The following PRKCB variants were observed in gnomAD, a reference collection of about 807,000 sequenced individuals.
The protein encoded by PRKCB is protein kinase C beta, also known as protein kinase C beta type.
A neutral mutation model predicts 81.5 loss-of-function variants in PRKCB; 13 were observed. That is an observed-to-expected ratio of 0.16 (90% confidence interval 0.10 to 0.25). The LOEUF (loss-of-function observed/expected upper bound fraction) is 0.25. Ranked by LOEUF, PRKCB falls within the 10% of genes least tolerant of loss-of-function variation. PRKCB has a pLI of 1.00. For missense variants in PRKCB, 509 were observed against 875.7 expected (o/e 0.58, Z 5.29); for synonymous variants, 335 against 321.4 (o/e 1.04, Z -0.45).
intron 3 of PRKCB, among the ~76,000 whole-genome samples, chr16:23,996,909 T>C (rs1007812426): frequency 9.2e-5 from 14 of 152,110 alleles, no homozygotes; most frequent in African/African-American, 3.4e-4. Context: ...CAGCATCTAG[T>C]ATATGGTGCT....
chr16:23,891,616 A>G (rs1963296717), intron 2 of PRKCB, among the ~76,000 whole-genome samples: 1 of 152,196 alleles, frequency 6.6e-6, no homozygotes, highest in African/African-American at 2.4e-5. Flanking sequence ...AGGAGCTATT[A>G]TGATTATTTA....
chr16:23,881,647 T>A (rs1963108840), intron 2 of PRKCB, among the ~76,000 whole-genome samples: 1 of 152,248 alleles, frequency 6.6e-6, no homozygotes, highest in South Asian at 2.1e-4. Flanking sequence ...ACTTGATTTT[T>A]AAAAAATAAT....
intron 5 of PRKCB, among the ~76,000 whole-genome samples, chr16:24,041,331 C>T (rs147322585): frequency 0.017 from 2,651 of 152,198 alleles, 36 homozygotes; most frequent in Middle Eastern, 0.048. Context: ...GGATTACAGG[C>T]GTGAGCCACC....
intron 3 of PRKCB, among the ~76,000 whole-genome samples, chr16:24,011,306 G>A (rs931696249): frequency 6.6e-5 from 10 of 152,060 alleles, no homozygotes; most frequent in Non-Finnish European, 1.0e-4. Context: ...CTGGTTTCTG[G>A]GCTGAAATAG....
At chr16:23,899,292 A>G (rs1271166785) in intron 2 of PRKCB, among the ~76,000 whole-genome samples, 2 of 152,246 alleles carry the variant, frequency 1.3e-5, no homozygotes, top group Non-Finnish European at 2.9e-5. Flanking sequence ...CACAGAGAGC[A>G]TGGAAGGTCA....
chr16:23,935,564 A>G lies in PRKCB; in HGVS notation c.206-52944A>G, dbSNP rs150041605. On this transcript the variant is annotated intron_variant, in intron 2 of 16. Transcript: ENST00000643927. Reference sequence around the variant, plus strand: ...CCTCCACCCCAAAATCTCTTTTAAAATAGTGTTTTAAATGTATTTTTTGTA... The same window carrying G: ...CCTCCACCCCAAAATCTCTTTTAAAGTAGTGTTTTAAATGTATTTTTTGTA... 3.1e-3 allele frequency among the ~76,000 whole-genome samples: 476 copies of G among 152,236 alleles called. 4 individuals carry two copies. The highest frequency in any genetic ancestry group is 0.011 in the African/African-American group (461 of 41,542).
Position 24,219,104 on chromosome 16 carries a change from A to G in PRKCB, c.*4288A>G, listed in dbSNP as rs1187615633. 9.1e-6 allele frequency: 9 copies of G among 985,258 alleles called. No individual in the cohort carries two copies. The highest frequency in any genetic ancestry group is 9.4e-5 in the South Asian group (2 of 21,284). The allele number at this position is 985,258 out of a possible 1,614,324, so 61.0% of individuals were successfully genotyped here. On this transcript the variant is annotated 3_prime_UTR_variant, in exon 17 of 17. Coordinates refer to ENST00000643927, the MANE Select transcript of PRKCB (RefSeq NM_002738.7). ...GTCGGAGCATCATACAGATTCCTTT[A>G]TTAGCCCACATTCTGATGTTCCCTG...
At chr16:24,068,899 A>G (rs1966074287) in intron 5 of PRKCB, among the ~76,000 whole-genome samples, 1 of 152,220 alleles carries the variant, frequency 6.6e-6, no homozygotes, top group African/African-American at 2.4e-5. Flanking sequence ...TAGTGAAGTA[A>G]AGGTTGCTAA....
At chr16:23,960,803 C>G (rs1307279658) in intron 2 of PRKCB, among the ~76,000 whole-genome samples, 6 of 152,268 alleles carry the variant, frequency 3.9e-5, no homozygotes. Flanking sequence ...TCTGGGATCA[C>G]CTCTCACAGA....
At chr16:24,191,907 G>C (rs947139013) in intron 16 of PRKCB, among the ~76,000 whole-genome samples, 4 of 152,194 alleles carry the variant, frequency 2.6e-5, no homozygotes, top group Non-Finnish European at 4.4e-5. Flanking sequence ...GACTCAGCAG[G>C]AAGTACTTGT....
intron 3 of PRKCB, among the ~76,000 whole-genome samples, chr16:24,008,822 A>T (rs983201709): frequency 3.3e-5 from 5 of 152,198 alleles, no homozygotes; most frequent in African/African-American, 1.2e-4. Context: ...GCTTGACTGA[A>T]ACTTGATGCC....
At chr16:23,951,975 G>A (rs1964290516) in intron 2 of PRKCB, among the ~76,000 whole-genome samples, 1 of 152,184 alleles carries the variant, frequency 6.6e-6, no homozygotes, top group African/African-American at 2.4e-5. Flanking sequence ...CTGGCTGTCA[G>A]ACTGTGAGAA....
At position 24,126,193 on chromosome 16, in the gene PRKCB, T is replaced by C. The variant is rs557651458; in HGVS notation, c.1065+2212T>C. ...GGGAAGATGTCTAGCATAAAGAGGGTCATCACCTGGGTGGGAAAAAGGGAG... is the reference window on the plus strand; with the variant it reads ...GGGAAGATGTCTAGCATAAAGAGGGCCATCACCTGGGTGGGAAAAAGGGAG... On this transcript the variant is annotated intron_variant, in intron 9 of 16. Transcript: ENST00000643927. Among the ~76,000 whole-genome samples, 3 of 151,784 alleles carry C rather than the reference T, an allele frequency of 2.0e-5. No individual in the cohort carries two copies. In the East Asian group the frequency reaches 5.8e-4, roughly 30 times the overall value.
intron 2 of PRKCB, among the ~76,000 whole-genome samples, chr16:23,956,979 T>TA (rs10714409): frequency 0.03 from 1,371 of 45,972 alleles, 137 homozygotes; most frequent in African/African-American, 0.064. Context: ...CTATAGGCAG[T>TA]AAAAAAAAAA....
At chr16:23,849,275 T>A (rs1962431123) in intron 2 of PRKCB, among the ~76,000 whole-genome samples, 1 of 152,212 alleles carries the variant, frequency 6.6e-6, no homozygotes, top group South Asian at 2.1e-4. Context: ...ACCCTTTGGG[T>A]GGAGTGTTTA....
intron 9 of PRKCB, among the ~76,000 whole-genome samples, chr16:24,152,521 A>G (rs1246919121): frequency 1.3e-5 from 2 of 151,864 alleles, no homozygotes; most frequent in Non-Finnish European, 2.9e-5. Flanking sequence ...TCTTCTTTCC[A>G]TCTCCAATTC....
intron 3 of PRKCB, among the ~76,000 whole-genome samples, chr16:24,029,831 G>C (rs573980391): frequency 6.6e-6 from 1 of 152,200 alleles, no homozygotes; most frequent in Non-Finnish European, 1.5e-5. Flanking sequence ...TGTACCAAAG[G>C]CTAGGGTGTC....
chr16:23,950,132 ATTTTTTTT>A (rs34117735), intron 2 of PRKCB, among the ~76,000 whole-genome samples: 12 of 97,760 alleles, frequency 1.2e-4, no homozygotes, highest in East Asian at 3.1e-4. Flanking sequence ...TATGATTTGA[ATTTTTTTT>A]TTTTTTTTTT....
At chr16:23,926,574 A>G (rs1453953817) in intron 2 of PRKCB, among the ~76,000 whole-genome samples, 10 of 151,490 alleles carry the variant, frequency 6.6e-5, no homozygotes, top group Admixed American at 5.9e-4. Flanking sequence ...GTGTATGTAT[A>G]TATAGATATA....
Sources: gnomAD v4.1 joint callset for allele counts (sites outside exome capture counted in the v4.1 genomes callset) on GRCh38, gnomAD v4.1.1 for gene constraint, MANE v1.5 for transcripts, NCBI Gene and HGNC (gene_info 2026-07-23, HGNC 2026-07-21) for gene names.